PTPRA: variants seen among roughly 807,000 people sequenced by gnomAD.
The protein encoded by PTPRA is protein tyrosine phosphatase receptor type A.
In PTPRA, 25 loss-of-function variants were observed where a neutral mutation model predicts 104.8. That is an observed-to-expected ratio of 0.24 (90% confidence interval 0.17 to 0.33). The LOEUF (loss-of-function observed/expected upper bound fraction) is 0.33. Ranked by LOEUF, PTPRA falls within the 10% of genes least tolerant of loss-of-function variation. PTPRA has a pLI of 1.00. For missense variants in PTPRA, 765 were observed against 1,015.3 expected (o/e 0.75, Z 3.35); for synonymous variants, 323 against 368.9 (o/e 0.88, Z 1.43).
At position 3,035,683 on chromosome 20, in the gene PTPRA, C is replaced by T. The variant is rs987563930; in HGVS notation, c.2019C>T (p.Val673=). 1.2e-6 allele frequency: 2 copies of T among 1,614,214 alleles called. No individual in the cohort carries two copies. Among genetic ancestry groups the T allele is most frequent in the Non-Finnish European group, 1.7e-6 (2 of 1,180,036 alleles). ...AGGAGGAATGTGAGAGCTACACCGT[C>T]CGAGACCTCCTGGTCACCAACACCA... ...KKEEECESYT[V]RDLLVTNTRE... The change falls in exon 21 of 24, where the codon GTC becomes GTT. Residue 673 remains valine (V), a synonymous_variant. Transcript: ENST00000399903. This position sits in a 1 kb window ranked among gnomAD's most constrained non-coding sequence, Gnocchi z 5.8.
At position 3,035,826 on chromosome 20, in the gene PTPRA, C is replaced by T; in HGVS notation, c.2083C>T (p.His695Tyr). ...CCGGCAGATCCGGCAGTTCCACTTC[C>T]ATGGCTGGCCTGAAGTGGGCATCCC... ...KSRQIRQFHF[H>Y]GWPEVGIPSD... Residue 695 changes from histidine (H) to tyrosine (Y), a missense_variant, in exon 22 of 24, where the codon CAT becomes TAT. Physicochemically the swap from His to Tyr is moderately conservative, Grantham distance 83 (BLOSUM62 2). Around this residue, in one of 4 missense-constraint regions of PTPRA, gnomAD observed 192 missense variants for 227.0 expected, o/e 0.85. Transcript: ENST00000399903. This position sits in a 1 kb window ranked among gnomAD's most constrained non-coding sequence, Gnocchi z 5.8. 2 of 1,614,224 alleles carry T rather than the reference C, an allele frequency of 1.2e-6. No homozygotes were observed. The highest frequency in any genetic ancestry group is 1.7e-4 in the Middle Eastern group (1 of 6,060).
intron 9 of PTPRA, among the ~76,000 whole-genome samples, chr20:2,999,014 ATAT>A (rs969732407): frequency 1.3e-5 from 2 of 151,518 alleles, no homozygotes; most frequent in Non-Finnish European, 2.9e-5. Flanking sequence ...TTCATCAGAC[ATAT>A]TATGGAATTA....
intron 1 of PTPRA, among the ~76,000 whole-genome samples, chr20:2,921,243 C>T (rs2060084409): frequency 6.6e-6 from 1 of 150,676 alleles, no homozygotes; most frequent in Non-Finnish European, 1.5e-5. Context: ...TTTGATTTAA[C>T]AAATGAGGAA....
rs192082955 is a variant in PTPRA at position 2,885,818 on chromosome 20, C to A, written c.-129+12058C>A. Among the ~76,000 whole-genome samples, 374 of 152,318 alleles carry A rather than the reference C, an allele frequency of 2.5e-3. 2 individuals are homozygous for A. The South Asian group carries it at 0.026, about 11-fold the overall frequency. ...TGGTGGCCCACGCCTGTAATCCCAG[C>A]ACTTTGGGAGGCCAAGGTGGGTGGA... On this transcript the variant is annotated intron_variant, in intron 1 of 23. Coordinates refer to ENST00000399903, the MANE Select transcript of PTPRA (RefSeq NM_001385305.1).
At chr20:2,981,685 G>A (rs6138974) in intron 6 of PTPRA, among the ~76,000 whole-genome samples, 9,234 of 152,228 alleles carry the variant, frequency 0.061, 410 homozygotes, top group East Asian at 0.21. Flanking sequence ...GGGAAGCCCC[G>A]CTTGTCATTT....
intron 1 of PTPRA, among the ~76,000 whole-genome samples, chr20:2,910,592 TTTTTTTTG>T (rs1568650155): frequency 2.2e-4 from 28 of 126,934 alleles, no homozygotes; most frequent in African/African-American, 7.5e-4. Context: ...TTTTTTTGTT[TTTTTTTTG>T]TTTTTTTTAA....
At chr20:2,866,244 C>T in the PTPRA span, 1 of 1,613,894 alleles carries the variant, frequency 6.2e-7, no homozygotes, top group Non-Finnish European at 8.5e-7. Flanking sequence ...AACAACATAA[C>T]AAATACGAAG....
chr20:3,022,037 A>C lies in PTPRA; in HGVS notation c.1162-17A>C. The C allele has an allele frequency of 6.2e-7, 1 of 1,613,802 alleles. No homozygotes were observed. Among genetic ancestry groups the C allele is most frequent in the South Asian group, 1.1e-5 (1 of 91,032 alleles). On this transcript the variant is annotated splice_polypyrimidine_tract_variant and intron_variant, in intron 14 of 23. Transcript: ENST00000399903. This position sits in a 1 kb window ranked among gnomAD's most constrained non-coding sequence, Gnocchi z 4.6. ...TTGGGTATCAGGGCCAACACACAGGATCTCCTCACTTCACAGGTGGGCGAC... is the reference window on the plus strand; with the variant it reads ...TTGGGTATCAGGGCCAACACACAGGCTCTCCTCACTTCACAGGTGGGCGAC...
At position 2,975,195 on chromosome 20, in the gene PTPRA, A is replaced by AT; in HGVS notation, c.416-14dup. 1 of 1,573,204 alleles carries AT rather than the reference A, an allele frequency of 6.4e-7. No individual in the cohort carries two copies. Among genetic ancestry groups the AT allele is most frequent in the Non-Finnish European group, 8.7e-7 (1 of 1,146,470 alleles). On this transcript the variant is annotated intron_variant, in intron 5 of 23. Coordinates refer to ENST00000399903, the MANE Select transcript of PTPRA (RefSeq NM_001385305.1). The stretch of plus-strand genomic sequence containing the variant: ...TTCTTTAACCTGAATGAATGTTTCT[A>AT]TTTTTTACTTATTACACAGGTAATT...
intron 1 of PTPRA, among the ~76,000 whole-genome samples, chr20:2,895,838 A>G (rs1245080988): frequency 6.6e-6 from 1 of 151,980 alleles, no homozygotes; most frequent in East Asian, 1.9e-4. Flanking sequence ...TTATTAACCA[A>G]TTTTTAATGT....
intron 9 of PTPRA, among the ~76,000 whole-genome samples, chr20:2,999,174 T>A (rs1025058219): frequency 6.6e-6 from 1 of 152,084 alleles, no homozygotes; most frequent in African/African-American, 2.4e-5. Context: ...TTTAACAATT[T>A]AGAGAAAATT....
At chr20:2,933,426 GTTCT>G (rs1203173076) in intron 2 of PTPRA, among the ~76,000 whole-genome samples, 1 of 148,862 alleles carries the variant, frequency 6.7e-6, no homozygotes, top group Non-Finnish European at 1.5e-5. Context: ...GTTTTTTGGG[GTTCT>G]TTCTTTTGGT....
chr20:3,015,303 CTTTTT>C (rs778457233), intron 11 of PTPRA, among the ~76,000 whole-genome samples: 1 of 134,652 alleles, frequency 7.4e-6, no homozygotes. Context: ...CTTTCTTTTT[CTTTTT>C]TTTTTTTTTT....
In PTPRA at chr20:3,035,709, G is replaced by C; in HGVS notation, c.2045G>C (p.Arg682Thr). The C allele has an allele frequency of 6.2e-7, 1 of 1,614,208 alleles. No homozygotes were observed. The highest frequency in any genetic ancestry group is 8.5e-7 in the Non-Finnish European group (1 of 1,180,028). ...TVRDLLVTNT[R>T]ENKSRQIRQF... ...CGAGACCTCCTGGTCACCAACACCA[G>C]GGTAAGATGGGTCGTGGGTGGACTC... is the stretch of plus-strand genomic sequence containing the variant. The change falls in exon 21 of 24, where the codon AGG (arginine) becomes ACG (threonine). Residue 682 changes from arginine to threonine, a missense_variant and splice_region_variant. Around this residue, in one of 4 missense-constraint regions of PTPRA, gnomAD observed 192 missense variants for 227.0 expected, o/e 0.85. Transcript: ENST00000399903. The surrounding 1 kb of genome is among the most constrained non-coding windows in gnomAD (Gnocchi z 5.8).
chr20:2,882,975 CTTTTTT>C, intron 1 of PTPRA, among the ~76,000 whole-genome samples: 1 of 113,658 alleles, frequency 8.8e-6, no homozygotes, highest in African/African-American at 3.5e-5. Flanking sequence ...AAATCCAACA[CTTTTTT>C]TTTTTTTTTT....
At chr20:2,929,029 C>T (rs189516920) in intron 2 of PTPRA, among the ~76,000 whole-genome samples, 1 of 152,142 alleles carries the variant, frequency 6.6e-6, no homozygotes, top group East Asian at 1.9e-4. Context: ...CAGGGTCTCA[C>T]TGTGTTGCCC....
rs768955856 is a variant in PTPRA, at chr20:2,988,324, CT to C, written c.602-12del. 3.5e-5 allele frequency: 55 copies of C among 1,584,002 alleles called. No homozygotes were observed. The highest frequency in any genetic ancestry group is 2.0e-4 in the Admixed American group (10 of 49,204). The stretch of plus-strand genomic sequence containing the variant: ...TCAGGGTACCTGACTGACCTTCTCC[CT>C]TGTGTACTGCAGAGCCCCAGAGTGT... On this transcript the variant is annotated splice_polypyrimidine_tract_variant and intron_variant, in intron 8 of 23. Transcript: ENST00000399903.
Position 2,906,091 on chromosome 20 carries a change from A to C in PTPRA, c.-128-17116A>C, listed in dbSNP as rs1382728826. Among the ~76,000 whole-genome samples, 7 of 152,330 alleles carry C rather than the reference A, an allele frequency of 4.6e-5. No individual in the cohort carries two copies. In the East Asian group the frequency reaches 1.3e-3, roughly 29 times the overall value. ...GAAATCACAAATGTGGATTATGGATATGATGGGTTATGGATATGATATATT... is the reference window on the plus strand; with the variant it reads ...GAAATCACAAATGTGGATTATGGATCTGATGGGTTATGGATATGATATATT... On this transcript the variant is annotated intron_variant, in intron 1 of 23. Coordinates refer to ENST00000399903, the MANE Select transcript of PTPRA (RefSeq NM_001385305.1).
At chr20:2,896,303 C>T (rs1409727102) in intron 1 of PTPRA, among the ~76,000 whole-genome samples, 2 of 152,070 alleles carry the variant, frequency 1.3e-5, no homozygotes, top group African/African-American at 2.4e-5. Flanking sequence ...CGCTTGAACC[C>T]GGGAGGTGGA....
Sources: gnomAD v4.1 joint callset for allele counts (sites outside exome capture counted in the v4.1 genomes callset) on GRCh38, gnomAD v4.1.1 for gene constraint, gnomAD v4.1.1 regional missense constraint, Gnocchi (gnomAD v3.1) non-coding constraint, MANE v1.5 for transcripts, NCBI Gene and HGNC (gene_info 2026-07-23, HGNC 2026-07-21) for gene names.